MAP3K3: variants seen among roughly 807,000 people sequenced by gnomAD.
MAP3K3 encodes mitogen-activated protein kinase kinase kinase 3, also known as MAP/ERK kinase kinase 3.
MAP3K3 carries 12 observed loss-of-function variants against 80.9 expected under a neutral mutation model. The ratio of observed to expected loss-of-function variants is 0.15; its 90% CI spans 0.10 to 0.24. The LOEUF (loss-of-function observed/expected upper bound fraction) is 0.24. Ranked by LOEUF, MAP3K3 falls within the 10% of genes least tolerant of loss-of-function variation. The pLI is 1.00. For missense variants in MAP3K3, 596 were observed against 834.7 expected (o/e 0.71, Z 3.52); for synonymous variants, 272 against 307.1 (o/e 0.89, Z 1.19).
chr17:63,657,844 T>C lies in MAP3K3; in HGVS notation c.318T>C (p.Ile106=). The change falls in exon 5 of 16, where the codon ATT becomes ATC. Residue 106 remains isoleucine, a synonymous_variant. Transcript: ENST00000361733. ...NQDDLDKAID[I]LDRSSSMKSL... is the part of the protein sequence containing the mutation. ...ATGATCTTGATAAAGCAATTGACAT[T>C]TTAGATAGAAGCTCAAGCATGAAAA... The C allele has an allele frequency of 6.2e-7, 1 of 1,609,250 alleles. No individual in the cohort carries two copies. The highest frequency in any genetic ancestry group is 1.1e-5 in the South Asian group (1 of 90,508).
Position 63,667,027 on chromosome 17 carries a change from C to A in MAP3K3, c.469C>A (p.Pro157Thr), listed in dbSNP as rs752685930. The A allele has an allele frequency of 6.2e-7, 1 of 1,610,366 alleles. No homozygotes were observed. Among genetic ancestry groups the A allele is most frequent in the South Asian group, 1.1e-5 (1 of 90,294 alleles). ...SAGDINTIYQ[P>T]PEPRSRHLSV... ...AGGGGATATAAATACTATCTACCAGCCCCCCGAGCCCAGAAGCAGGCACCT... is the reference window on the plus strand; with the variant it reads ...AGGGGATATAAATACTATCTACCAGACCCCCGAGCCCAGAAGCAGGCACCT... The change falls in exon 6 of 16, where the codon CCC becomes ACC. Residue 157 changes from proline to threonine, a missense_variant. Physicochemically the swap from Pro to Thr is conservative, Grantham distance 38. Around this residue, in one of 2 missense-constraint regions of MAP3K3, gnomAD observed 232 missense variants for 245.8 expected, o/e 0.94. Coordinates refer to ENST00000361733, the MANE Select transcript of MAP3K3 (RefSeq NM_002401.5).
rs113301822 is a variant in MAP3K3, at chr17:63,687,677, G to A, written c.711-850G>A. 1.9e-3 allele frequency among the ~76,000 whole-genome samples: 277 copies of A among 149,304 alleles called. 3 individuals are homozygous for A. Among genetic ancestry groups the A allele is most frequent in the Middle Eastern group, 7.2e-3 (2 of 278 alleles). ...TGCACTCCAGCCTGGGCGACAGAGCGAGACTCCATCTTAAAAAAAAAAAAG... is the reference window on the plus strand; with the variant it reads ...TGCACTCCAGCCTGGGCGACAGAGCAAGACTCCATCTTAAAAAAAAAAAAG... On this transcript the variant is annotated intron_variant, in intron 8 of 15. Coordinates refer to ENST00000361733, the MANE Select transcript of MAP3K3 (RefSeq NM_002401.5).
chr17:63,646,850 G>T (rs1378867866), intron 3 of MAP3K3, among the ~76,000 whole-genome samples: 1 of 152,178 alleles, frequency 6.6e-6, no homozygotes, highest in African/African-American at 2.4e-5. Context: ...GCATGTTTGT[G>T]CATGTGCGGC....
At chr17:63,676,873 A>G (rs1395043787) in intron 6 of MAP3K3, among the ~76,000 whole-genome samples, 1 of 152,252 alleles carries the variant, frequency 6.6e-6, no homozygotes, top group Non-Finnish European at 1.5e-5. Flanking sequence ...GTGACTGCTC[A>G]GGAACAGCAG....
intron 2 of MAP3K3, among the ~76,000 whole-genome samples, chr17:63,638,608 A>G (rs1014328730): frequency 6.6e-6 from 1 of 152,088 alleles, no homozygotes; most frequent in Non-Finnish European, 1.5e-5. Context: ...GGCTGTCACT[A>G]CTGCTCTCAC....
chr17:63,640,417 G>T (rs2034416267), intron 2 of MAP3K3, among the ~76,000 whole-genome samples: 1 of 152,166 alleles, frequency 6.6e-6, no homozygotes, highest in East Asian at 1.9e-4. Context: ...GTATGTGTAT[G>T]TGTGTACGTT....
intron 2 of MAP3K3, 40 bp from the exon 3 acceptor site, chr17:63,645,994 C>G: frequency 6.3e-7 from 1 of 1,577,702 alleles, no homozygotes; most frequent in South Asian, 1.1e-5. Flanking sequence ...GTGACACATT[C>G]CAGAGAATTC....
At chr17:63,623,285 G>A (rs768403331) in intron 1 of MAP3K3, among the ~76,000 whole-genome samples, 5 of 152,230 alleles carry the variant, frequency 3.3e-5, no homozygotes, top group African/African-American at 1.2e-4. Context: ...CCCAGCGCAG[G>A]GGGGAGGGCG....
chr17:63,672,604 G>A (rs756301178), intron 6 of MAP3K3, among the ~76,000 whole-genome samples: 9 of 152,280 alleles, frequency 5.9e-5, no homozygotes, highest in Middle Eastern at 3.4e-3. Context: ...GCACCCAGGC[G>A]AGAGTGCCTA....
At chr17:63,656,456 T>A (rs1261370720) in intron 4 of MAP3K3, among the ~76,000 whole-genome samples, 2 of 147,292 alleles carry the variant, frequency 1.4e-5, no homozygotes, top group Admixed American at 6.7e-5. Flanking sequence ...AAAAAAAAAA[T>A]TAGTGGGGAG....
In MAP3K3 at chr17:63,694,671, G is replaced by C. The variant is rs1598130230; in HGVS notation, c.*894G>C. 6.5e-6 allele frequency: 1 copy of C among 152,730 alleles called. No individual in the cohort carries two copies. Among genetic ancestry groups the C allele is most frequent in the African/African-American group, 2.4e-5 (1 of 41,466 alleles). 9.5% of individuals were successfully genotyped at this position (152,730 alleles called of 1,614,324 possible). A position where few individuals can be genotyped will look rare whatever the true frequency, so the allele number is the denominator to read the frequency against. ...CCTTTGTTCCCCACTGGAGCAGAAG[G>C]GGAGATGGACGACACGGTCGGGGCA... On this transcript the variant is annotated 3_prime_UTR_variant, in exon 16 of 16. Transcript: ENST00000361733.
chr17:63,648,196 C>T (rs2143309214), intron 3 of MAP3K3, among the ~76,000 whole-genome samples: 1 of 152,310 alleles, frequency 6.6e-6, no homozygotes, highest in African/African-American at 2.4e-5. Context: ...GAAGTCCTGG[C>T]CTCTGATCTT....
intron 5 of MAP3K3, among the ~76,000 whole-genome samples, chr17:63,663,075 G>A (rs1359102858): frequency 3.9e-5 from 6 of 152,142 alleles, no homozygotes; most frequent in Non-Finnish European, 8.8e-5. Flanking sequence ...GTATAATACT[G>A]TCCATGAGGA....
In MAP3K3 at chr17:63,689,525, G is replaced by A; in HGVS notation, c.872-19G>A. 6.2e-7 allele frequency: 1 copy of A among 1,606,032 alleles called. No individual in the cohort carries two copies. Among genetic ancestry groups the A allele is most frequent in the Non-Finnish European group, 8.5e-7 (1 of 1,175,492 alleles). On this transcript the variant is annotated intron_variant, in intron 10 of 15. Transcript: ENST00000361733. The surrounding 1 kb of genome is among the most constrained non-coding windows in gnomAD (Gnocchi z 4.3). ...CCTGGGGTGTGACTTGCTCTCCTCT[G>A]GCCCTTGCACCCTTTCAGGCAGAAG...
chr17:63,674,924 CAG>C (rs1189573462), intron 6 of MAP3K3, among the ~76,000 whole-genome samples: 2 of 152,124 alleles, frequency 1.3e-5, no homozygotes, highest in Admixed American at 6.5e-5. Flanking sequence ...GGGCAGTAAA[CAG>C]AGAGCAGTGC....
chr17:63,691,359 A>G lies in MAP3K3; in HGVS notation c.1344+126A>G, dbSNP rs2035587065. ...ACCTGAGGCTCCAGAGGCCCAGAGG[A>G]GCAAAGTGAGGTGATGGTGGGACTT... On this transcript the variant is annotated intron_variant, in intron 13 of 15. Coordinates refer to ENST00000361733, the MANE Select transcript of MAP3K3 (RefSeq NM_002401.5). This position sits in a 1 kb window ranked among gnomAD's most constrained non-coding sequence, Gnocchi z 4.8. 3 of 1,347,234 alleles carry G rather than the reference A, an allele frequency of 2.2e-6. No individual in the cohort carries two copies. The African/African-American group carries it at 4.3e-5, about 19-fold the overall frequency. 83.5% of individuals were successfully genotyped at this position (1,347,234 alleles called of 1,614,324 possible).
chr17:63,665,164 C>T (rs560912535), intron 5 of MAP3K3, among the ~76,000 whole-genome samples: 72 of 152,002 alleles, frequency 4.7e-4, no homozygotes, highest in African/African-American at 1.6e-3. Context: ...ATTAGCTGGG[C>T]GTGGTGGCAC....
intron 7 of MAP3K3, among the ~76,000 whole-genome samples, chr17:63,684,202 C>G (rs1315155286): frequency 1.3e-5 from 2 of 152,200 alleles, no homozygotes; most frequent in East Asian, 3.9e-4. Context: ...TGCTTGACTT[C>G]TAACCATAAA....
intron 6 of MAP3K3, among the ~76,000 whole-genome samples, chr17:63,670,974 T>C (rs1179258226): frequency 1.3e-5 from 2 of 152,134 alleles, no homozygotes; most frequent in East Asian, 3.9e-4. Flanking sequence ...ATGTTACATA[T>C]TCGTATTTGT....
Sources: gnomAD v4.1 joint callset for allele counts (sites outside exome capture counted in the v4.1 genomes callset) on GRCh38, gnomAD v4.1.1 for gene constraint, gnomAD v4.1.1 regional missense constraint, Gnocchi (gnomAD v3.1) non-coding constraint, MANE v1.5 for transcripts, NCBI Gene and HGNC (gene_info 2026-07-23, HGNC 2026-07-21) for gene names.